The following IQCM variants were observed in gnomAD, a reference collection of about 807,000 sequenced individuals.
IQCM encodes IQ motif containing M.
A neutral mutation model predicts 57.6 loss-of-function variants in IQCM; 45 were observed. The ratio of observed to expected loss-of-function variants is 0.78; its 90% CI spans 0.62 to 1.00. The LOEUF is 1.00. Among genes scored for constraint, IQCM ranks in the 50% least tolerant of loss-of-function variants. The pLI, the probability that IQCM is intolerant of heterozygous loss-of-function variation, is 0.00. For synonymous variants in IQCM, 148 were observed against 158.9 expected (o/e 0.93, Z 0.51); for missense variants, 468 against 511.6 (o/e 0.91, Z 0.82).
At chr4:149,814,584 AT>A in intron 2 of IQCM, among the ~76,000 whole-genome samples, 1 of 152,050 alleles carries the variant, frequency 6.6e-6, no homozygotes, top group Non-Finnish European at 1.5e-5. Context: ...TCTATAACAG[AT>A]TTTTTTCATA....
chr4:149,408,895 TTA>T (rs1313789003), intron 13 of IQCM, among the ~76,000 whole-genome samples: 1 of 152,146 alleles, frequency 6.6e-6, no homozygotes, highest in East Asian at 1.9e-4. Context: ...ACGTGTTTTT[TTA>T]TGTCATTCAA....
chr4:149,379,722 G>A (rs1426596991), intron 13 of IQCM, among the ~76,000 whole-genome samples: 1 of 152,186 alleles, frequency 6.6e-6, no homozygotes, highest in Non-Finnish European at 1.5e-5. Context: ...GGACTTTTGA[G>A]TTAATACTGA....
In IQCM at chr4:149,410,081, G is replaced by A. The variant is rs1168914603; in HGVS notation, c.1390+23315C>T. 2.6e-5 allele frequency among the ~76,000 whole-genome samples: 4 copies of A among 152,304 alleles called. No individual in the cohort carries two copies. The Middle Eastern group carries it at 0.01, about 389-fold the overall frequency. On this transcript the variant is annotated intron_variant, in intron 13 of 13. Coordinates refer to ENST00000636793, the MANE Select transcript of IQCM (RefSeq NM_001363507.2). The stretch of plus-strand genomic sequence containing the variant: ...CAACTGTAATCCAAGCTATTTGGAG[G>A]GCTGAGGCAGAGAACTGCTTGAACC...
intron 7 of IQCM, among the ~76,000 whole-genome samples, chr4:149,640,243 G>A (rs1480320538): frequency 6.6e-6 from 1 of 152,076 alleles, no homozygotes; most frequent in East Asian, 1.9e-4. Context: ...ATCACATCAT[G>A]GAAAATTGGA....
intron 12 of IQCM, among the ~76,000 whole-genome samples, chr4:149,461,472 G>A (rs916315220): frequency 6.6e-6 from 1 of 151,642 alleles, no homozygotes; most frequent in Admixed American, 6.6e-5. Flanking sequence ...TGACTACATG[G>A]TGAAACCCCA....
intron 5 of IQCM, among the ~76,000 whole-genome samples, chr4:149,706,719 T>C (rs993248062): frequency 3.9e-5 from 6 of 151,988 alleles, no homozygotes; most frequent in South Asian, 2.1e-4. Context: ...CGTAGCATAA[T>C]TACAAGAATG....
intron 2 of IQCM, among the ~76,000 whole-genome samples, chr4:149,788,357 A>T (rs1375169526): frequency 6.6e-6 from 1 of 152,152 alleles, no homozygotes; most frequent in African/African-American, 2.4e-5. Flanking sequence ...CAAAAACAAC[A>T]AAAACATACA....
chr4:149,511,879 C>T (rs896023097), intron 12 of IQCM, among the ~76,000 whole-genome samples: 5 of 152,110 alleles, frequency 3.3e-5, no homozygotes, highest in Admixed American at 2.6e-4. Context: ...CCCTCAAAAA[C>T]CTGTGTTTAT....
At chr4:149,477,851 G>T (rs1163452207) in intron 12 of IQCM, among the ~76,000 whole-genome samples, 3 of 152,038 alleles carry the variant, frequency 2.0e-5, no homozygotes, top group South Asian at 4.1e-4. Flanking sequence ...AGGAGTGAAT[G>T]GTATGGTCAA....
At chr4:149,691,882 A>C (rs189920471) in intron 5 of IQCM, 37 of 152,328 alleles carry the variant, frequency 2.4e-4, no homozygotes, top group Admixed American at 2.3e-3. Context: ...AATTTTCACT[A>C]ATGAGGAATT....
chr4:149,405,695 T>C (rs1732924750), intron 13 of IQCM, among the ~76,000 whole-genome samples: 1 of 151,772 alleles, frequency 6.6e-6, no homozygotes, highest in Non-Finnish European at 1.5e-5. Context: ...TCTGAATAGC[T>C]TCTGAAATGA....
intron 7 of IQCM, among the ~76,000 whole-genome samples, chr4:149,674,254 G>A (rs1472175123): frequency 1.3e-5 from 2 of 152,022 alleles, no homozygotes; most frequent in Non-Finnish European, 2.9e-5. Flanking sequence ...TCCTCATTAA[G>A]TAGAAAAAAT....
intron 2 of IQCM, among the ~76,000 whole-genome samples, chr4:149,769,871 A>G (rs1283054188): frequency 6.6e-6 from 1 of 152,094 alleles, no homozygotes; most frequent in Non-Finnish European, 1.5e-5. Context: ...TGTAATTGAT[A>G]GAAAAATAGA....
At chr4:149,746,868 G>A (rs569299898) in intron 2 of IQCM, among the ~76,000 whole-genome samples, 3 of 152,164 alleles carry the variant, frequency 2.0e-5, no homozygotes, top group South Asian at 4.2e-4. Context: ...TTCACTCTGC[G>A]CTCTGTAACT....
At chr4:149,635,062 C>T (rs1023272263) in intron 7 of IQCM, among the ~76,000 whole-genome samples, 3 of 152,130 alleles carry the variant, frequency 2.0e-5, no homozygotes, top group African/African-American at 4.8e-5. Flanking sequence ...CCAAAATGCA[C>T]AAACTTTTCC....
chr4:149,472,685 A>G (rs964303211), intron 12 of IQCM, among the ~76,000 whole-genome samples: 1 of 152,114 alleles, frequency 6.6e-6, no homozygotes, highest in African/African-American at 2.4e-5. Context: ...GCCAAAAGAA[A>G]AAAGCTGAAG....
intron 8 of IQCM, among the ~76,000 whole-genome samples, chr4:149,589,223 G>A (rs1243954426): frequency 1.3e-5 from 2 of 151,974 alleles, no homozygotes; most frequent in Non-Finnish European, 2.9e-5. Context: ...TGAGTAAAAT[G>A]GTTAGAGGAT....
chr4:149,634,907 T>C (rs1168187684), intron 7 of IQCM, among the ~76,000 whole-genome samples: 3 of 152,140 alleles, frequency 2.0e-5, no homozygotes, highest in Non-Finnish European at 4.4e-5. Context: ...GAGAAGGGAA[T>C]TGGATGGGTG....
chr4:149,371,339 G>A (rs986705981), intron 13 of IQCM, among the ~76,000 whole-genome samples: 1 of 152,142 alleles, frequency 6.6e-6, no homozygotes, highest in African/African-American at 2.4e-5. Flanking sequence ...CTGCCACACT[G>A]GAAACAAATA....
Sources: gnomAD v4.1 joint callset for allele counts (sites outside exome capture counted in the v4.1 genomes callset) on GRCh38, gnomAD v4.1.1 for gene constraint, MANE v1.5 for transcripts, NCBI Gene and HGNC (gene_info 2026-07-23, HGNC 2026-07-21) for gene names.